GLIS3: variants seen among roughly 807,000 people sequenced by gnomAD.
GLIS3 encodes GLIS family zinc finger 3.
Under a neutral mutation model 78.6 loss-of-function variants are expected in GLIS3, and 53 were observed. That is an observed-to-expected ratio of 0.67 (90% CI 0.54 to 0.85). The LOEUF is 0.85. GLIS3 is among the 40% of genes least tolerant of loss of function. GLIS3 has a pLI of 0.00. For missense variants in GLIS3, 1,703 were observed against 1,231.1 expected, an observed-to-expected ratio of 1.38 and a Z score of -5.74; for synonymous variants, 684 against 509.9, an observed-to-expected ratio of 1.34 and a Z score of -4.60.
intron 2 of GLIS3, among the ~76,000 whole-genome samples, chr9:4,310,875 C>A (rs892893186): frequency 1.3e-5 from 2 of 152,208 alleles, no homozygotes; most frequent in African/African-American, 4.8e-5. Flanking sequence ...CACTTCTCTA[C>A]ATTTTAGGGC....
chr9:4,289,101 C>T (rs942349374), intron 1 of GLIS3, among the ~76,000 whole-genome samples: 2 of 151,912 alleles, frequency 1.3e-5, no homozygotes, highest in Non-Finnish European at 1.5e-5. Context: ...TAAGAAAGAC[C>T]CTCATAGAGT....
At chr9:4,173,561 TACACACAC>T (rs34572625) in intron 2 of GLIS3, among the ~76,000 whole-genome samples, 2,194 of 146,462 alleles carry the variant, frequency 0.015, 20 homozygotes, top group African/African-American at 0.027. Flanking sequence ...TGTGTATAGA[TACACACAC>T]ACACACACAC....
intron 9 of GLIS3, among the ~76,000 whole-genome samples, chr9:3,842,190 C>T (rs960873515): frequency 2.6e-5 from 4 of 152,116 alleles, no homozygotes; most frequent in African/African-American, 9.7e-5. Flanking sequence ...AAAGACTTCC[C>T]CAGCTGGGTG....
chr9:4,377,346 C>T, the GLIS3 span, among the ~76,000 whole-genome samples: 9 of 135,426 alleles, frequency 6.6e-5, 3 homozygotes, highest in African/African-American at 2.3e-4. Flanking sequence ...TCCTTCCATT[C>T]CTCCCACCCT....
chr9:4,327,177 G>A (rs558327443), intron 2 of GLIS3, among the ~76,000 whole-genome samples: 4 of 152,240 alleles, frequency 2.6e-5, no homozygotes, highest in Admixed American at 6.5e-5. Context: ...AAGGGAGAGT[G>A]TCCAGTGTCC....
At chr9:3,872,295 C>A (rs534546369) in intron 8 of GLIS3, among the ~76,000 whole-genome samples, 29 of 152,256 alleles carry the variant, frequency 1.9e-4, no homozygotes, top group Non-Finnish European at 3.5e-4. Context: ...ACTGTTCCAA[C>A]CCCTGTCTGT....
chr9:4,170,189 T>C (rs1221485125), intron 2 of GLIS3, among the ~76,000 whole-genome samples: 2 of 152,054 alleles, frequency 1.3e-5, no homozygotes, highest in Non-Finnish European at 2.9e-5. Flanking sequence ...TGAAGAAACT[T>C]TTCTTGAAAA....
the GLIS3 span, among the ~76,000 whole-genome samples, chr9:4,392,206 C>T: frequency 6.7e-6 from 1 of 149,868 alleles, no homozygotes; most frequent in Non-Finnish European, 1.5e-5. Context: ...CACATGGACA[C>T]AGGGAGGGGA....
At chr9:4,268,004 A>T (rs12336304) in intron 2 of GLIS3, among the ~76,000 whole-genome samples, 117,662 of 151,210 alleles carry the variant, frequency 0.78, 46,091 homozygotes, top group African/African-American at 0.84. Context: ...TATGTGTGTG[A>T]ATATATACAT....
intron 2 of GLIS3, among the ~76,000 whole-genome samples, chr9:4,268,564 C>G (rs572470989): frequency 5.3e-5 from 8 of 152,212 alleles, no homozygotes; most frequent in Non-Finnish European, 8.8e-5. Flanking sequence ...TAAGTAGTCC[C>G]ATCATTCTAG....
upstream of GLIS3, among the ~76,000 whole-genome samples, chr9:4,301,125 T>C (rs567668392): frequency 2.1e-4 from 32 of 152,226 alleles, no homozygotes; most frequent in African/African-American, 7.2e-4. Flanking sequence ...GGAATACTAC[T>C]AGGCTTGGTC....
intron 2 of GLIS3, among the ~76,000 whole-genome samples, chr9:4,283,613 C>G (rs1827747120): frequency 6.6e-6 from 1 of 152,218 alleles, no homozygotes; most frequent in African/African-American, 2.4e-5. Flanking sequence ...AATTATCCAA[C>G]TCCTTGAGGG....
chr9:4,482,860 G>A, the GLIS3 span, among the ~76,000 whole-genome samples: 1 of 152,012 alleles, frequency 6.6e-6, no homozygotes, highest in Non-Finnish European at 1.5e-5. Flanking sequence ...CAGCATACTA[G>A]CAAAATGTAA....
intron 4 of GLIS3, among the ~76,000 whole-genome samples, chr9:3,964,409 A>C (rs1817778291): frequency 6.6e-6 from 1 of 152,046 alleles, no homozygotes; most frequent in East Asian, 1.9e-4. Context: ...ACAAAAGGTC[A>C]AGACGTTACC....
intron 2 of GLIS3, among the ~76,000 whole-genome samples, chr9:4,267,944 CCTGTGTGTGTGT>C (rs1356693059): frequency 7.0e-4 from 105 of 150,004 alleles, no homozygotes; most frequent in African/African-American, 2.1e-3. Context: ...TATAAAAATA[CCTGTGTGTGTGT>C]GTGTGTGTGT....
At chr9:4,273,929 C>G (rs1826755798) in intron 2 of GLIS3, among the ~76,000 whole-genome samples, 1 of 152,206 alleles carries the variant, frequency 6.6e-6, no homozygotes, top group Admixed American at 6.5e-5. Flanking sequence ...ATTCCACCCT[C>G]AGGCCATAAT....
At chr9:3,991,251 A>G (rs1302730552) in intron 4 of GLIS3, among the ~76,000 whole-genome samples, 4 of 152,188 alleles carry the variant, frequency 2.6e-5, no homozygotes, top group African/African-American at 7.2e-5. Flanking sequence ...AATGGGTACA[A>G]TAGTAGCCAT....
chr9:4,374,804 C>A, the GLIS3 span, among the ~76,000 whole-genome samples: 150,513 of 152,384 alleles, frequency 0.99, 74,347 homozygotes, highest in East Asian at 1. Context: ...AGAGAACCAC[C>A]GTCACTTATT....
chr9:4,208,671 G>C (rs904945143), intron 2 of GLIS3, among the ~76,000 whole-genome samples: 3 of 152,228 alleles, frequency 2.0e-5, no homozygotes, highest in Non-Finnish European at 4.4e-5. Flanking sequence ...CACTTGGGTA[G>C]AGAATAATTT....
Sources: allele counts gnomAD v4.1 joint callset (sites outside exome capture counted in the v4.1 genomes callset), GRCh38; gene constraint gnomAD v4.1.1; transcripts MANE v1.5; gene names NCBI Gene and HGNC (gene_info 2026-07-23, HGNC 2026-07-21).